The following GCC2 variants were observed in gnomAD, a reference collection of about 807,000 sequenced individuals.
GCC2 encodes GRIP and coiled-coil domain-containing protein 2.
In GCC2, 120 loss-of-function variants were observed where a neutral mutation model predicts 210.6. That is an observed-to-expected ratio of 0.57 (90% CI 0.49 to 0.66). The LOEUF is 0.66. Among genes scored for constraint, GCC2 ranks in the 30% least tolerant of loss-of-function variants. The pLI, the probability that GCC2 is intolerant of heterozygous loss-of-function variation, is 0.00. For synonymous variants in GCC2, 703 were observed against 652.7 expected, an observed-to-expected ratio of 1.08 and a Z score of -1.17; for missense variants, 1,868 against 1,871.9, an observed-to-expected ratio of 1.00 and a Z score of 0.04.
chr2:108,472,294 T>A (rs1015209764), intron 6 of GCC2, among the ~76,000 whole-genome samples, 178 bp downstream of exon 6: 1 of 152,122 alleles, frequency 6.6e-6, no homozygotes, highest in Admixed American at 6.5e-5. Context: ...TTTATTACAT[T>A]TATTTTTGGG....
In GCC2 at chr2:108,449,649, G is replaced by A. The variant is rs1255782432; in HGVS notation, c.23G>A (p.Gly8Glu). The A allele has an allele frequency of 6.2e-7, 1 of 1,613,732 alleles. No homozygotes were observed. Among genetic ancestry groups the A allele is most frequent in the Non-Finnish European group, 8.5e-7 (1 of 1,179,778 alleles). The change falls in exon 2 of 23, where the codon GGG becomes GAG. Residue 8 changes from glycine (G) to glutamate (E), a missense_variant. By Grantham distance (98) the Gly-to-Glu change is moderately conservative (BLOSUM62 -2). Around this residue, in one of 3 missense-constraint regions of GCC2, gnomAD observed 1,847 missense variants for 1,765.2 expected, o/e 1.05. Transcript: ENST00000309863. Reference sequence around the variant, plus strand: ...GTTTTGCAGGATCTTGTTCAAGATGGGGTGGCTTCACCAGCTACCCCTGGG... The same window carrying A: ...GTTTTGCAGGATCTTGTTCAAGATGAGGTGGCTTCACCAGCTACCCCTGGG... MEDLVQDGVASPATPGTG... is the reference protein window; with the variant it reads MEDLVQDEVASPATPGTG...
rs753254448 is a variant in GCC2, at chr2:108,470,531, T to C, written c.1202T>C (p.Ile401Thr). ...GCTAAAGAAGAACAGGGCTGTGTAATTGAAAAATTAAAATCTGAGCTAGCA... is the reference window on the plus strand; with the variant it reads ...GCTAAAGAAGAACAGGGCTGTGTAACTGAAAAATTAAAATCTGAGCTAGCA... ...LLAKEEQGCV[I>T]EKLKSELAGL... Residue 401 changes from isoleucine to threonine, a missense_variant, in exon 6 of 23, where the codon ATT becomes ACT. Physicochemically the swap from Ile to Thr is moderately conservative, Grantham distance 89. This residue lies in a region of GCC2 where 1,847 missense variants were observed against 1,765.2 expected (regional missense o/e 1.05). Transcript: ENST00000309863. 1 of 1,605,928 alleles carries C rather than the reference T, an allele frequency of 6.2e-7. No individual in the cohort carries two copies. The highest frequency in any genetic ancestry group is 2.2e-5 in the East Asian group (1 of 44,800).
Position 108,507,641 on chromosome 2 carries a change from G to C in GCC2, c.*11G>C. The stretch of plus-strand genomic sequence containing the variant: ...TCTGGACTTCGATAGGTTGATGGAA[G>C]GAATATTTTTATTAACCAAATAGAA... On this transcript the variant is annotated 3_prime_UTR_variant, in exon 23 of 23. Transcript: ENST00000309863. The C allele has an allele frequency of 1.3e-6, 2 of 1,520,606 alleles. No individual in the cohort carries two copies. Among genetic ancestry groups the C allele is most frequent in the Non-Finnish European group, 1.8e-6 (2 of 1,109,692 alleles). 94.2% of individuals were successfully genotyped at this position (1,520,606 alleles called of 1,614,324 possible).
intron 4 of GCC2, among the ~76,000 whole-genome samples, chr2:108,459,622 T>C (rs904787299): frequency 6.3e-4 from 96 of 152,188 alleles, no homozygotes; most frequent in African/African-American, 2.2e-3. Flanking sequence ...TCTCTCTCTC[T>C]AGATCTAGTA....
intron 11 of GCC2, 25 bp from the exon 12 acceptor site, chr2:108,483,036 TG>T: frequency 8.5e-7 from 1 of 1,175,978 alleles, no homozygotes. Context: ...TTGGGTGGTG[TG>T]GGTTGTTTTT....
Position 108,471,967 on chromosome 2 carries a change from A to C in GCC2, c.2638A>C (p.Ile880Leu). ...KTRLENQNLL[I>L]QVEEVSQTCS... ...AAGGCTTGAAAATCAGAATCTTTTAATTCAAGTTGAAGAAGTATCTCAAAC... is the reference window on the plus strand; with the variant it reads ...AAGGCTTGAAAATCAGAATCTTTTACTTCAAGTTGAAGAAGTATCTCAAAC... The change falls in exon 6 of 23, where the codon ATT (isoleucine) becomes CTT (leucine). Residue 880 changes from isoleucine (I) to leucine (L), a missense_variant. By Grantham distance (5) the Ile-to-Leu change is conservative. This residue lies in a region of GCC2 where 1,847 missense variants were observed against 1,765.2 expected (regional missense o/e 1.05). Transcript: ENST00000309863. 1 of 1,604,670 alleles carries C rather than the reference A, an allele frequency of 6.2e-7. No homozygotes were observed. Among genetic ancestry groups the C allele is most frequent in the Middle Eastern group, 1.7e-4 (1 of 5,978 alleles).
chr2:108,484,252 A>C lies in GCC2; in HGVS notation c.3554A>C (p.Asp1185Ala). 1 of 1,570,800 alleles carries C rather than the reference A, an allele frequency of 6.4e-7. No homozygotes were observed. Among genetic ancestry groups the C allele is most frequent in the South Asian group, 1.2e-5 (1 of 85,408 alleles). Residue 1185 changes from aspartate (D) to alanine (A), a missense_variant, in exon 13 of 23, where the codon GAT (aspartate) becomes GCT (alanine). Coordinates refer to ENST00000309863, the MANE Select transcript of GCC2 (RefSeq NM_181453.4). ...KLTNKNNKIE[D>A]LEQEIKIQKQ... ...ACTAATAAAAACAACAAGATAGAAG[A>C]TTTGGAGCAAGAAATAAAAATTCAA...
chr2:108,477,440 G>C (rs1479364085), intron 9 of GCC2, among the ~76,000 whole-genome samples: 3 of 152,178 alleles, frequency 2.0e-5, no homozygotes, highest in African/African-American at 7.2e-5. Flanking sequence ...CAAAGTCACA[G>C]ACTCCGATTT....
intron 4 of GCC2, 46 bp from the exon 5 acceptor site, chr2:108,468,934 T>G (rs1381978725): frequency 4.9e-6 from 6 of 1,213,026 alleles, no homozygotes; most frequent in Non-Finnish European, 6.1e-6. Flanking sequence ...ATGTGGTCAA[T>G]CCACCATTTT....
chr2:108,481,435 G>A (rs1398000953), intron 9 of GCC2, among the ~76,000 whole-genome samples: 1 of 152,130 alleles, frequency 6.6e-6, no homozygotes, highest in Non-Finnish European at 1.5e-5. Flanking sequence ...TTAATGAGTA[G>A]AATATTTAAC....
At chr2:108,475,421 TTAATATCAA>T (rs1368306116) in intron 7 of GCC2, 105 bp from the exon 8 acceptor site, 2 of 527,242 alleles carry the variant, frequency 3.8e-6, no homozygotes, top group African/African-American at 2.0e-5. Context: ...ACTGCTTATT[TTAATATCAA>T]ATTACCAATT....
chr2:108,451,875 CTCT>C (rs955108941), intron 3 of GCC2, among the ~76,000 whole-genome samples: 13 of 142,626 alleles, frequency 9.1e-5, no homozygotes, highest in African/African-American at 3.4e-4. Context: ...CGGAGTCTCG[CTCT>C]TCTTGGCCAG....
At position 108,470,539 on chromosome 2, in the gene GCC2, T is replaced by C. The variant is rs1281990243; in HGVS notation, c.1210T>C (p.Leu404=). The part of the protein sequence containing the change: ...KEEQGCVIEK[L]KSELAGLNKQ... ...AGAACAGGGCTGTGTAATTGAAAAA[T>C]TAAAATCTGAGCTAGCAGGTTTAAA... The change falls in exon 6 of 23, where the codon TTA becomes CTA. Residue 404 remains leucine (L), a synonymous_variant. Coordinates refer to ENST00000309863, the MANE Select transcript of GCC2 (RefSeq NM_181453.4). The C allele has an allele frequency of 6.2e-7, 1 of 1,606,338 alleles. No individual in the cohort carries two copies. Among genetic ancestry groups the C allele is most frequent in the African/African-American group, 1.3e-5 (1 of 74,284 alleles).
At chr2:108,452,030 G>C (rs573377790) in intron 3 of GCC2, among the ~76,000 whole-genome samples, 14 of 152,066 alleles carry the variant, frequency 9.2e-5, no homozygotes, top group African/African-American at 3.1e-4. Context: ...TTTTAGTAGA[G>C]ACGAGGTTTC....
At chr2:108,452,227 G>C (rs1195922350) in intron 3 of GCC2, among the ~76,000 whole-genome samples, 172 bp from the exon 4 acceptor site, 1 of 152,104 alleles carries the variant, frequency 6.6e-6, no homozygotes, top group Admixed American at 6.6e-5. Flanking sequence ...AACAAAATTG[G>C]CCATGTAATG....
Position 108,469,689 on chromosome 2 carries a change from G to A in GCC2, c.360G>A (p.Leu120=), listed in dbSNP as rs372290189. The change falls in exon 6 of 23, where the codon TTG becomes TTA. Residue 120 remains leucine, a synonymous_variant. Transcript: ENST00000309863. The stretch of plus-strand genomic sequence containing the variant: ...AGATGGGAGATGCACATAAGGAGTT[G>A]GAACAATCACATATAAACTATGTGA... ...VTKMGDAHKE[L]EQSHINYVKE... 6 of 1,606,710 alleles carry A rather than the reference G, an allele frequency of 3.7e-6. No homozygotes were observed. The African/African-American group carries it at 6.7e-5, about 18-fold the overall frequency.
chr2:108,488,996 C>T (rs890770236), intron 17 of GCC2, among the ~76,000 whole-genome samples: 1 of 152,164 alleles, frequency 6.6e-6, no homozygotes, highest in Non-Finnish European at 1.5e-5. Flanking sequence ...TTTGAGTTCA[C>T]ATTACATGAA....
At chr2:108,454,270 G>A (rs1230592701) in intron 4 of GCC2, among the ~76,000 whole-genome samples, 2 of 152,182 alleles carry the variant, frequency 1.3e-5, no homozygotes, top group Non-Finnish European at 2.9e-5. Context: ...GTTTACGGGC[G>A]TGAGCCACTG....
At chr2:108,454,451 T>C (rs1400747436) in intron 4 of GCC2, among the ~76,000 whole-genome samples, 9 of 152,232 alleles carry the variant, frequency 5.9e-5, no homozygotes, top group Admixed American at 5.9e-4. Flanking sequence ...GAAGCTAGAA[T>C]GATGTGCACA....
Sources: allele counts gnomAD v4.1 joint callset (sites outside exome capture counted in the v4.1 genomes callset), GRCh38; gene constraint gnomAD v4.1.1; regional missense constraint gnomAD v4.1.1; transcripts MANE v1.5; gene names NCBI Gene and HGNC (gene_info 2026-07-23, HGNC 2026-07-21).